Variants in RBFOX2 observed in about 807,000 individuals in gnomAD.
RBFOX2 encodes the protein RNA binding protein fox-1 homolog 2.
Under a neutral mutation model 49.1 loss-of-function variants are expected in RBFOX2, and 10 were observed. The observed-to-expected ratio is 0.20, with a 90% CI of 0.13 to 0.35. The LOEUF (loss-of-function observed/expected upper bound fraction) is 0.35. Among genes scored for constraint, RBFOX2 ranks in the 10% least tolerant of loss-of-function variants. RBFOX2 has a pLI of 1.00. For synonymous variants in RBFOX2, 183 were observed against 187.4 expected (o/e 0.98, Z 0.19); for missense variants, 323 against 486.9 (o/e 0.66, Z 3.17).
intron 1 of RBFOX2, among the ~76,000 whole-genome samples, chr22:35,931,878 A>G (rs944914746): frequency 2.6e-5 from 4 of 152,254 alleles, no homozygotes; most frequent in African/African-American, 9.6e-5. Context: ...TGGGTCCAGG[A>G]AAAATCCAGC....
chr22:35,994,287 T>TA (rs2058095976), intron 1 of RBFOX2: 1 of 152,112 alleles, frequency 6.6e-6, no homozygotes, highest in South Asian at 2.1e-4. Context: ...CTCAATATTT[T>TA]AAAAATCTCA....
intron 1 of RBFOX2, among the ~76,000 whole-genome samples, chr22:35,824,064 G>T (rs535530097): frequency 2.6e-4 from 39 of 152,010 alleles, no homozygotes; most frequent in African/African-American, 9.4e-4. Context: ...CAGGAGATTC[G>T]CTTCAACTCA....
chr22:35,840,443 T>A (rs1463664425), exon 1 of RBFOX2: 1 of 1,422,970 alleles, frequency 7.0e-7, no homozygotes, highest in Non-Finnish European at 9.1e-7. Flanking sequence ...CTCCCTCCCA[T>A]ATCTCAGGCA....
intron 1 of RBFOX2, among the ~76,000 whole-genome samples, chr22:35,811,432 C>T (rs541167748): frequency 2.0e-5 from 3 of 152,054 alleles, no homozygotes; most frequent in African/African-American, 7.3e-5. Context: ...CAGAGGGAGG[C>T]CCATGTGAAG....
exon 12 of RBFOX2, chr22:35,741,475 T>C (rs899960457): frequency 1.5e-4 from 23 of 152,342 alleles, no homozygotes; most frequent in African/African-American, 5.3e-4. Context: ...TCTGGTGAAG[T>C]TGACCGTACG....
intron 1 of RBFOX2, among the ~76,000 whole-genome samples, chr22:35,969,369 T>C (rs1484591875): frequency 2.0e-5 from 3 of 152,126 alleles, no homozygotes; most frequent in Non-Finnish European, 4.4e-5. Flanking sequence ...GGTCAGGAGT[T>C]TGAGACCAGC....
At chr22:35,755,187 A>C (rs1936490508) in intron 9 of RBFOX2, among the ~76,000 whole-genome samples, 1 of 152,228 alleles carries the variant, frequency 6.6e-6, no homozygotes, top group South Asian at 2.1e-4. Context: ...CATGCTGACA[A>C]GTTTTTCTTA....
At chr22:35,852,963 A>G (rs752491416) in intron 1 of RBFOX2, among the ~76,000 whole-genome samples, 2 of 152,208 alleles carry the variant, frequency 1.3e-5, no homozygotes, top group Non-Finnish European at 2.9e-5. Flanking sequence ...TCTAGACTAT[A>G]CATACAAGGT....
chr22:35,800,110 A>C lies in RBFOX2; in HGVS notation c.252+9670T>G, dbSNP rs112255705. On this transcript the variant is annotated intron_variant, in intron 2 of 11. Transcript: ENST00000405409. Reference sequence around the variant, plus strand: ...AGATGAGGAAACTGAAATTGGAGGTAAAATGATTTATTCAAGACAATTATT... The same window carrying C: ...AGATGAGGAAACTGAAATTGGAGGTCAAATGATTTATTCAAGACAATTATT... Among the ~76,000 whole-genome samples, 689 of 152,344 alleles carry C rather than the reference A, an allele frequency of 4.5e-3. 8 individuals carry two copies. Among genetic ancestry groups the C allele is most frequent in the African/African-American group, 0.015 (635 of 41,580 alleles).
At chr22:35,751,800 A>G (rs906376312) in intron 9 of RBFOX2, among the ~76,000 whole-genome samples, 1 of 152,228 alleles carries the variant, frequency 6.6e-6, no homozygotes, top group Non-Finnish European at 1.5e-5. Flanking sequence ...AAAAATTGCT[A>G]TGATCAACCT....
intron 1 of RBFOX2, among the ~76,000 whole-genome samples, chr22:35,873,901 GAACT>G (rs1477369998): frequency 6.6e-6 from 1 of 151,986 alleles, no homozygotes; most frequent in Non-Finnish European, 1.5e-5. Context: ...GGTTGGTCTC[GAACT>G]CCTGGCCTCA....
chr22:35,836,742 C>A (rs1428716862), intron 1 of RBFOX2, among the ~76,000 whole-genome samples: 4 of 152,328 alleles, frequency 2.6e-5, no homozygotes, highest in Non-Finnish European at 5.9e-5. Flanking sequence ...ACTGTAAAAT[C>A]TTTTCCTCTC....
At chr22:35,788,258 T>C (rs1602800769) in intron 2 of RBFOX2, among the ~76,000 whole-genome samples, 1 of 152,332 alleles carries the variant, frequency 6.6e-6, no homozygotes, top group South Asian at 2.1e-4. Flanking sequence ...CAAGATTAAG[T>C]ATAACTTTCC....
chr22:36,028,478 T>C (rs1603470141), exon 1 of RBFOX2: 3 of 1,128,784 alleles, frequency 2.7e-6, no homozygotes, highest in African/African-American at 1.7e-5. Flanking sequence ...ACAGGCCACC[T>C]CCCCCTGGGC....
At chr22:35,855,208 G>C (rs974392760) in intron 1 of RBFOX2, among the ~76,000 whole-genome samples, 7 of 151,966 alleles carry the variant, frequency 4.6e-5, no homozygotes, top group Admixed American at 4.6e-4. Flanking sequence ...GAAATAAAAA[G>C]ACTAATTTTC....
chr22:35,799,095 G>C (rs1448301471), intron 2 of RBFOX2, among the ~76,000 whole-genome samples: 1 of 152,068 alleles, frequency 6.6e-6, no homozygotes, highest in Non-Finnish European at 1.5e-5. Context: ...TACCAATAGA[G>C]GTGACAGAAA....
At chr22:36,008,846 C>T (rs542285979) in intron 1 of RBFOX2, among the ~76,000 whole-genome samples, 27 of 152,074 alleles carry the variant, frequency 1.8e-4, no homozygotes, top group Middle Eastern at 3.4e-3. Context: ...AAGATTCATA[C>T]CTGTCTGAAA....
chr22:35,780,770 T>C (rs997292912), intron 3 of RBFOX2, among the ~76,000 whole-genome samples: 2 of 152,224 alleles, frequency 1.3e-5, no homozygotes, highest in African/African-American at 4.8e-5. Flanking sequence ...AAAGGTTACA[T>C]GAATTCCAAA....
At chr22:35,767,507 T>C (rs1474474567) in intron 5 of RBFOX2, among the ~76,000 whole-genome samples, 1 of 152,032 alleles carries the variant, frequency 6.6e-6, no homozygotes, top group East Asian at 1.9e-4. Context: ...AATGGTGGCT[T>C]TTACATTTAA....
Sources: gnomAD v4.1 joint callset for allele counts (sites outside exome capture counted in the v4.1 genomes callset) on GRCh38, gnomAD v4.1.1 for gene constraint, MANE v1.5 for transcripts, NCBI Gene and HGNC (gene_info 2026-07-23, HGNC 2026-07-21) for gene names.